CTNNA2: variants seen among roughly 807,000 people sequenced by gnomAD.
CTNNA2 encodes the protein catenin alpha-2.
Under a neutral mutation model 101.0 loss-of-function variants are expected in CTNNA2, and 42 were observed. That is an observed-to-expected ratio of 0.42 (90% CI 0.32 to 0.54). The LOEUF (loss-of-function observed/expected upper bound fraction) is 0.54, where lower values mean the gene tolerates loss of function less well. Among genes scored for constraint, CTNNA2 ranks in the 20% least tolerant of loss-of-function variants. CTNNA2 has a pLI of 0.14. For synonymous variants in CTNNA2, 450 were observed against 456.4 expected, an observed-to-expected ratio of 0.99 and a Z score of 0.18; for missense variants, 871 against 1,223.1, an observed-to-expected ratio of 0.71 and a Z score of 4.29.
intron 7 of CTNNA2, among the ~76,000 whole-genome samples, chr2:80,067,740 C>G (rs1284680413): frequency 1.3e-5 from 2 of 152,174 alleles, no homozygotes; most frequent in Admixed American, 1.3e-4. Flanking sequence ...TCTCCCTACT[C>G]TTCTGGATCC....
At chr2:80,026,916 A>G (rs1694965148) in intron 7 of CTNNA2, among the ~76,000 whole-genome samples, 1 of 152,220 alleles carries the variant, frequency 6.6e-6, no homozygotes, top group Admixed American at 6.5e-5. Context: ...CTATTCTGGC[A>G]TCTGGGAATT....
chr2:79,736,554 T>G (rs1558883893), intron 2 of CTNNA2, among the ~76,000 whole-genome samples: 1 of 152,188 alleles, frequency 6.6e-6, no homozygotes, highest in Non-Finnish European at 1.5e-5. Context: ...TTCAGGAAAT[T>G]TTCATTTATC....
chr2:79,869,866 T>A lies in CTNNA2; in HGVS notation c.516T>A (p.Leu172=). The A allele has an allele frequency of 6.2e-7, 1 of 1,614,138 alleles. No homozygotes were observed. Residue 172 remains leucine (L), a synonymous_variant, in exon 5 of 19, where the codon CTT becomes CTA. Coordinates refer to ENST00000402739, the MANE Select transcript of CTNNA2 (RefSeq NM_001282597.3). ...AAAATGCTACAAATGAGCAAGACCT[T>A]GCAAACCGTTTTAAAGAGTTTGGGA... The part of the protein sequence containing the change: ...AVKNATNEQD[L]ANRFKEFGKE...
intron 2 of CTNNA2, among the ~76,000 whole-genome samples, chr2:79,243,719 A>T (rs753886565): frequency 2.0e-5 from 3 of 152,212 alleles, no homozygotes; most frequent in Non-Finnish European, 4.4e-5. Flanking sequence ...GATCAGGAAA[A>T]GTCTTCCTAT....
chr2:80,481,958 T>G (rs1686182027), intron 9 of CTNNA2, among the ~76,000 whole-genome samples: 1 of 152,092 alleles, frequency 6.6e-6, no homozygotes, highest in Non-Finnish European at 1.5e-5. Context: ...AGAACCAAGT[T>G]TAGATGGCCA....
intron 7 of CTNNA2, among the ~76,000 whole-genome samples, chr2:80,261,360 G>A (rs548362436): frequency 1.3e-5 from 2 of 151,988 alleles, no homozygotes; most frequent in South Asian, 4.2e-4. Flanking sequence ...ATTGACTTCT[G>A]CTTGCTGGCT....
intron 7 of CTNNA2, among the ~76,000 whole-genome samples, chr2:80,171,217 G>A (rs1181562791): frequency 6.6e-6 from 1 of 152,176 alleles, no homozygotes; most frequent in African/African-American, 2.4e-5. Context: ...CTCAGTTCAG[G>A]CACGATCGTG....
chr2:80,239,142 G>T (rs886710288), intron 7 of CTNNA2, among the ~76,000 whole-genome samples: 1 of 152,142 alleles, frequency 6.6e-6, no homozygotes, highest in African/African-American at 2.4e-5. Context: ...TGTATTTAAA[G>T]ATTACAATTA....
chr2:79,407,320 A>G (rs1168099875), intron 4 of CTNNA2, among the ~76,000 whole-genome samples: 1 of 152,080 alleles, frequency 6.6e-6, no homozygotes, highest in Non-Finnish European at 1.5e-5. Context: ...TGTAAGTAAC[A>G]TACAATGTAG....
chr2:80,601,828 A>G (rs1009671910), intron 15 of CTNNA2: 1 of 151,950 alleles, frequency 6.6e-6, no homozygotes, highest in African/African-American at 2.4e-5. Context: ...TTCTTGAGCC[A>G]TCTATTTAGT....
intron 4 of CTNNA2, chr2:79,493,922 A>G (rs1671228794): frequency 1.3e-5 from 2 of 152,158 alleles, no homozygotes; most frequent in Non-Finnish European, 2.9e-5. Context: ...AAACAATTAA[A>G]ATAATAAGAA....
rs144615302 is a variant in CTNNA2, at chr2:80,491,941, G to A, written c.1291-53041G>A. 4.4e-4 allele frequency among the ~76,000 whole-genome samples: 67 copies of A among 152,196 alleles called. No individual in the cohort carries two copies. The Middle Eastern group carries it at 0.01, about 23-fold the overall frequency. On this transcript the variant is annotated intron_variant, in intron 9 of 18. Transcript: ENST00000402739. ...GAGCCACCTGGTGGGGGTATCCACC[G>A]TCCATGGGAAGTGAGGAGAGAGGTG... is the stretch of plus-strand genomic sequence containing the variant.
intron 7 of CTNNA2, among the ~76,000 whole-genome samples, chr2:80,307,932 A>G (rs754131617): frequency 6.6e-6 from 1 of 152,242 alleles, no homozygotes; most frequent in Non-Finnish European, 1.5e-5. Context: ...TATATGAGTT[A>G]TGAATCTGAT....
chr2:80,189,748 T>TAA lies in CTNNA2; in HGVS notation c.1057-203454_1057-203453dup, dbSNP rs5832436. On this transcript the variant is annotated intron_variant, in intron 7 of 18. Transcript: ENST00000402739. ...TGACTAGACAAGGTCCTCAACCAGT[T>TAA]AAAAAAAAAACAAAACAAAAACACA... Among the ~76,000 whole-genome samples, 298 of 148,420 alleles carry TAA rather than the reference T, an allele frequency of 2.0e-3. 1 individual carries two copies. Among genetic ancestry groups the TAA allele is most frequent in the African/African-American group, 5.4e-3 (216 of 40,228 alleles).
intron 7 of CTNNA2, among the ~76,000 whole-genome samples, chr2:80,003,709 T>A (rs1387959200): frequency 6.6e-6 from 1 of 152,190 alleles, no homozygotes; most frequent in Non-Finnish European, 1.5e-5. Flanking sequence ...GATTTGCAGC[T>A]CTGCCCACGC....
chr2:80,043,478 G>A (rs994214269), intron 7 of CTNNA2, among the ~76,000 whole-genome samples: 2 of 152,038 alleles, frequency 1.3e-5, no homozygotes, highest in East Asian at 1.9e-4. Flanking sequence ...GATTACAGGC[G>A]TGAGCCACTG....
Position 80,526,397 on chromosome 2 carries a change from G to C in CTNNA2, c.1291-18585G>C, listed in dbSNP as rs62141597. ...GTATTTTTAGTAGAGATGGAGTTTC[G>C]CCATGTTGGCCAGGCTGGTCTCGAA... On this transcript the variant is annotated intron_variant, in intron 9 of 18. Coordinates refer to ENST00000402739, the MANE Select transcript of CTNNA2 (RefSeq NM_001282597.3). Among the ~76,000 whole-genome samples the C allele has an allele frequency of 5.5e-3, 842 of 151,952 alleles. 2 individuals carry two copies. The highest frequency in any genetic ancestry group is 8.8e-3 in the Non-Finnish European group (601 of 67,938).
chr2:79,881,873 C>T (rs896674830), intron 6 of CTNNA2, among the ~76,000 whole-genome samples: 15 of 148,828 alleles, frequency 1.0e-4, no homozygotes, highest in African/African-American at 3.7e-4. Context: ...TTCTTTTGCA[C>T]ACTAGATGAT....
chr2:79,412,007 C>A (rs534866093), intron 4 of CTNNA2, among the ~76,000 whole-genome samples: 17 of 152,016 alleles, frequency 1.1e-4, no homozygotes, highest in Non-Finnish European at 2.4e-4. Context: ...ACCCATCTCA[C>A]ATGCAAGACA....
Sources: gnomAD v4.1 joint callset for allele counts (sites outside exome capture counted in the v4.1 genomes callset) on GRCh38, gnomAD v4.1.1 for gene constraint, MANE v1.5 for transcripts, NCBI Gene and HGNC (gene_info 2026-07-23, HGNC 2026-07-21) for gene names.